The following FLNB variants were observed in gnomAD, a reference collection of about 807,000 sequenced individuals.
The protein encoded by FLNB is filamin-B.
A neutral mutation model predicts 250.6 loss-of-function variants in FLNB; 111 were observed. The ratio of observed to expected loss-of-function variants is 0.44; its 90% CI spans 0.38 to 0.52. FLNB has a LOEUF of 0.52. FLNB is among the 20% of genes least tolerant of loss of function. The pLI, the probability that FLNB is intolerant of heterozygous loss-of-function variation, is 0.00. For missense variants in FLNB, 2,869 were observed against 3,447.8 expected (o/e 0.83, Z 4.20); for synonymous variants, 1,302 against 1,372.1 (o/e 0.95, Z 1.13).
intron 1 of FLNB, among the ~76,000 whole-genome samples, chr3:58,040,701 G>A (rs887612574): frequency 8.5e-5 from 13 of 152,104 alleles, no homozygotes; most frequent in Non-Finnish European, 1.3e-4. Flanking sequence ...CACCACGTTG[G>A]CCAGGCTGGT....
In FLNB at chr3:58,123,437, C is replaced by T. The variant is rs769921282; in HGVS notation, c.3471C>T (p.Asp1157=). 6.2e-7 allele frequency: 1 copy of T among 1,612,130 alleles called. No individual in the cohort carries two copies. The highest frequency in any genetic ancestry group is 1.1e-5 in the South Asian group (1 of 90,998). ...GTGAAGCTGGCCTCCTTAGCGTCGA[C>T]TGCTCGGAAGCGGGACCGGGGGCCC... ...KVGEAGLLSV[D]CSEAGPGALG... Residue 1157 remains aspartate (D), a synonymous_variant, in exon 21 of 46, where the codon GAC becomes GAT. Coordinates refer to ENST00000295956, the MANE Select transcript of FLNB (RefSeq NM_001457.4).
At chr3:58,052,039 G>A (rs1213773707) in intron 1 of FLNB, among the ~76,000 whole-genome samples, 4 of 151,944 alleles carry the variant, frequency 2.6e-5, no homozygotes, top group African/African-American at 4.8e-5. Context: ...GGCACGCGCC[G>A]CCACACCCTG....
intron 28 of FLNB, 58 bp downstream of exon 28, chr3:58,136,226 C>A: frequency 6.4e-7 from 1 of 1,555,322 alleles, no homozygotes; most frequent in Non-Finnish European, 8.8e-7. Context: ...AAAGCCGGGC[C>A]GTAGCCCTTC....
intron 1 of FLNB, among the ~76,000 whole-genome samples, chr3:58,046,631 G>A (rs1160416109): frequency 2.6e-5 from 4 of 152,060 alleles, no homozygotes; most frequent in African/African-American, 9.7e-5. Context: ...TGTATTTTTA[G>A]TAGACATGGG....
In FLNB at chr3:58,106,792, C is replaced by G. The variant is rs757613361; in HGVS notation, c.1860C>G (p.Ile620Met). The change falls in exon 12 of 46, where the codon ATC becomes ATG. Residue 620 changes from isoleucine to methionine, a missense_variant. Ile to Met is a conservative substitution (Grantham distance 10, BLOSUM62 1). Coordinates refer to ENST00000295956, the MANE Select transcript of FLNB (RefSeq NM_001457.4). ...PKEPGEYAVH[I>M]MCDDEDIKDS... ...AGCCTGGCGAATATGCTGTTCACAT[C>G]ATGTGTGACGACGAAGACATCAAGG... The G allele has an allele frequency of 6.2e-7, 1 of 1,614,018 alleles. No individual in the cohort carries two copies. The highest frequency in any genetic ancestry group is 8.5e-7 in the Non-Finnish European group (1 of 1,180,014).
rs757922076 is a variant in FLNB at position 58,138,415 on chromosome 3, T to A, written c.4995T>A (p.Ile1665=). 2 of 1,614,154 alleles carry A rather than the reference T, an allele frequency of 1.2e-6. No homozygotes were observed. The highest frequency in any genetic ancestry group is 1.7e-6 in the Non-Finnish European group (2 of 1,180,008). ...GCACTGAGGCCGAGGCCGATGTCAT[T>A]GAGAATGAAGATGGAACCTATGACA... ...PDGTEAEADV[I]ENEDGTYDIF... Residue 1665 remains isoleucine (I), a synonymous_variant, in exon 29 of 46, where the codon ATT becomes ATA. Transcript: ENST00000295956.
chr3:58,132,752 G>A, intron 25 of FLNB, 56 bp from the exon 26 acceptor site: 3 of 1,611,802 alleles, frequency 1.9e-6, no homozygotes, highest in Non-Finnish European at 2.5e-6. Flanking sequence ...ACTCAGCCAA[G>A]GGTGGAGTAA....
chr3:58,047,781 C>T (rs905682088), intron 1 of FLNB, among the ~76,000 whole-genome samples: 2 of 152,018 alleles, frequency 1.3e-5, no homozygotes, highest in Non-Finnish European at 2.9e-5. Context: ...CCAAGCTGGT[C>T]GTGAACTATT....
Position 58,138,275 on chromosome 3 carries a change from T to C in FLNB, c.4862-7T>C, listed in dbSNP as rs758875667. 1 of 1,613,434 alleles carries C rather than the reference T, an allele frequency of 6.2e-7. No homozygotes were observed. ...CTTCCATTCTCTTCCCCTGAACTCT[T>C]CTCCAGGTCCTGGAATCGCCTCCAC... is the stretch of plus-strand genomic sequence containing the variant. On this transcript the variant is annotated splice_region_variant and splice_polypyrimidine_tract_variant and intron_variant, in intron 28 of 45. Coordinates refer to ENST00000295956, the MANE Select transcript of FLNB (RefSeq NM_001457.4).
chr3:58,119,523 A>T (rs893067889), intron 19 of FLNB, among the ~76,000 whole-genome samples: 2 of 152,164 alleles, frequency 1.3e-5, no homozygotes, highest in Non-Finnish European at 2.9e-5. Flanking sequence ...TTACTAGTAT[A>T]AGCTCATTTC....
intron 1 of FLNB, among the ~76,000 whole-genome samples, chr3:58,021,697 TA>T (rs1288648523): frequency 6.6e-6 from 1 of 152,234 alleles, no homozygotes; most frequent in African/African-American, 2.4e-5. Context: ...TTCTCAGCAC[TA>T]TTGTCTGACA....
At chr3:58,054,979 T>G (rs1037575432) in intron 1 of FLNB, among the ~76,000 whole-genome samples, 2 of 152,144 alleles carry the variant, frequency 1.3e-5, no homozygotes, top group Admixed American at 6.5e-5. Context: ...AAATATTTAC[T>G]ATCCAGGCCA....
intron 16 of FLNB, among the ~76,000 whole-genome samples, chr3:58,111,103 A>C (rs549715724): frequency 6.6e-6 from 1 of 152,316 alleles, no homozygotes; most frequent in Non-Finnish European, 1.5e-5. Context: ...TAGCTTCTAG[A>C]TATGTTCTAC....
At chr3:58,140,136 G>A (rs914129862) in intron 29 of FLNB, among the ~76,000 whole-genome samples, 1 of 152,150 alleles carries the variant, frequency 6.6e-6, no homozygotes, top group African/African-American at 2.4e-5. Context: ...ACTGTTCATT[G>A]GCTTTGGTTG....
chr3:58,032,109 C>A (rs1471531012), intron 1 of FLNB, among the ~76,000 whole-genome samples: 1 of 151,118 alleles, frequency 6.6e-6, no homozygotes, highest in African/African-American at 2.4e-5. Flanking sequence ...TTCTTTTTTT[C>A]TTTTTTTGTA....
At chr3:58,054,785 G>T (rs981749495) in intron 1 of FLNB, among the ~76,000 whole-genome samples, 2 of 152,112 alleles carry the variant, frequency 1.3e-5, no homozygotes, top group Non-Finnish European at 2.9e-5. Context: ...ACACCACAGT[G>T]GTGCTGTGGT....
chr3:58,111,499 G>C (rs2097268622), intron 16 of FLNB, among the ~76,000 whole-genome samples: 1 of 151,832 alleles, frequency 6.6e-6, no homozygotes, highest in Non-Finnish European at 1.5e-5. Flanking sequence ...TTTTATTCTT[G>C]TTGGCATTTT....
chr3:58,162,952 T>G, intron 42 of FLNB: 1 of 621,522 alleles, frequency 1.6e-6, no homozygotes, highest in Non-Finnish European at 2.9e-6. Flanking sequence ...ATTTGCAATG[T>G]GGATGCGTTT....
chr3:58,044,671 C>G (rs1407236851), intron 1 of FLNB, among the ~76,000 whole-genome samples: 2 of 152,070 alleles, frequency 1.3e-5, no homozygotes. Context: ...TCAAGGGCCT[C>G]TCTCCCAAGC....
Sources: allele counts gnomAD v4.1 joint callset (sites outside exome capture counted in the v4.1 genomes callset), GRCh38; gene constraint gnomAD v4.1.1; transcripts MANE v1.5; gene names NCBI Gene and HGNC (gene_info 2026-07-23, HGNC 2026-07-21).